Variants in BMP3 observed in about 807,000 individuals in gnomAD.
BMP3 encodes bone morphogenetic protein 3, also known as bone morphogenetic protein 3 (osteogenic).
Under a neutral mutation model 38.1 loss-of-function variants are expected in BMP3, and 23 were observed. The ratio of observed to expected loss-of-function variants is 0.60; its 90% CI spans 0.43 to 0.86. BMP3 has a LOEUF of 0.86. Among genes scored for constraint, BMP3 ranks in the 40% least tolerant of loss-of-function variants. BMP3 has a pLI of 0.00. For synonymous variants in BMP3, 258 were observed against 225.7 expected, an observed-to-expected ratio of 1.14 and a Z score of -1.28; for missense variants, 628 against 579.6, an observed-to-expected ratio of 1.08 and a Z score of -0.86.
intron 1 of BMP3, among the ~76,000 whole-genome samples, chr4:81,032,321 T>C (rs1013635209): frequency 1.3e-4 from 19 of 151,368 alleles, no homozygotes; most frequent in African/African-American, 3.9e-4. Flanking sequence ...GGAGCAACCC[T>C]GGATGTAAAC....
At chr4:81,034,449 T>C (rs1739866883) in intron 1 of BMP3, among the ~76,000 whole-genome samples, 2 of 152,228 alleles carry the variant, frequency 1.3e-5, no homozygotes, top group African/African-American at 2.4e-5. Flanking sequence ...TAAAGAAGAA[T>C]ATTTTACATG....
intron 1 of BMP3, among the ~76,000 whole-genome samples, chr4:81,036,573 A>G (rs1418894389): frequency 1.3e-5 from 2 of 152,006 alleles, no homozygotes; most frequent in Non-Finnish European, 2.9e-5. Flanking sequence ...TGGCATCACA[A>G]ATAACCTTAA....
At chr4:81,038,324 G>T (rs1175761557) in intron 1 of BMP3, among the ~76,000 whole-genome samples, 1 of 152,140 alleles carries the variant, frequency 6.6e-6, no homozygotes, top group Non-Finnish European at 1.5e-5. Flanking sequence ...AGAAAAATAT[G>T]GTATGAGCAG....
chr4:81,037,377 G>T, intron 1 of BMP3: 1 of 263,274 alleles, frequency 3.8e-6, no homozygotes, highest in Non-Finnish European at 7.9e-6. Context: ...TTAGTGTTTT[G>T]TTTTTTCTAT....
In BMP3 at chr4:81,053,405, C is replaced by A. The variant is rs1176055938; in HGVS notation, c.1288C>A (p.Pro430Thr). Residue 430 changes from proline (P) to threonine (T), a missense_variant, in exon 3 of 3, where the codon CCT becomes ACT. Coordinates refer to ENST00000282701, the MANE Select transcript of BMP3 (RefSeq NM_001201.5). ...QSIVRAVGVV[P>T]GIPEPCCVPE... ...TATAGTGAGAGCTGTGGGGGTCGTT[C>A]CTGGGATTCCTGAGCCTTGCTGTGT... 3 of 1,610,880 alleles carry A rather than the reference C, an allele frequency of 1.9e-6. No individual in the cohort carries two copies. The highest frequency in any genetic ancestry group is 1.7e-6 in the Non-Finnish European group (2 of 1,178,720).
At chr4:81,040,647 A>G (rs1000591139) in intron 1 of BMP3, among the ~76,000 whole-genome samples, 3 of 152,232 alleles carry the variant, frequency 2.0e-5, no homozygotes, top group South Asian at 2.1e-4. Context: ...ACTCAAATCT[A>G]TGAGATAGTT....
In BMP3 at chr4:81,055,184, G is replaced by C. The variant is rs192472472; in HGVS notation, c.*1648G>C. ...TGATAGTGATAGATATAAAAACACT[G>C]TAAGTCCCTCTTTTAATAAACTAAA... On this transcript the variant is annotated 3_prime_UTR_variant, in exon 3 of 3. Transcript: ENST00000282701. The C allele has an allele frequency of 1.3e-5, 2 of 152,308 alleles. No individual in the cohort carries two copies. The highest frequency in any genetic ancestry group is 1.3e-4 in the Admixed American group (2 of 15,292). 9.4% of individuals were successfully genotyped at this position (152,308 alleles called of 1,614,324 possible).
chr4:81,044,408 T>G (rs1289249250), intron 1 of BMP3, among the ~76,000 whole-genome samples: 3 of 152,242 alleles, frequency 2.0e-5, no homozygotes, highest in African/African-American at 4.8e-5. Flanking sequence ...TCTCTTTTTA[T>G]TCCACTTCCA....
intron 1 of BMP3, among the ~76,000 whole-genome samples, chr4:81,032,297 G>A (rs1739801768): frequency 1.3e-5 from 2 of 151,662 alleles, no homozygotes; most frequent in Non-Finnish European, 2.9e-5. Context: ...GGAGGAGCTG[G>A]GAGACAAGGG....
intron 2 of BMP3, among the ~76,000 whole-genome samples, chr4:81,046,982 A>C (rs1245839983): frequency 1.3e-5 from 2 of 152,244 alleles, no homozygotes; most frequent in Non-Finnish European, 2.9e-5. Flanking sequence ...CTGTCCATGT[A>C]AGCAAGCCCC....
Position 81,046,328 on chromosome 4 carries a change from C to G in BMP3, c.907C>G (p.Pro303Ala). ...VLLPLQNNEL[P>A]GAEYQYKKDE... The stretch of plus-strand genomic sequence containing the variant: ...GCTGCCTCTGCAGAACAACGAGCTT[C>G]CTGGGGCAGAATACCAGTATAAAAA... The change falls in exon 2 of 3, where the codon CCT becomes GCT. Residue 303 changes from proline (P) to alanine (A), a missense_variant. Transcript: ENST00000282701. 1 of 1,614,014 alleles carries G rather than the reference C, an allele frequency of 6.2e-7. No homozygotes were observed. The highest frequency in any genetic ancestry group is 1.1e-5 in the South Asian group (1 of 91,072).
chr4:81,038,880 C>G (rs1157688628), intron 1 of BMP3, among the ~76,000 whole-genome samples: 1 of 152,170 alleles, frequency 6.6e-6, no homozygotes, highest in Non-Finnish European at 1.5e-5. Flanking sequence ...CACTCACAGT[C>G]TAGGAATGCC....
intron 1 of BMP3, among the ~76,000 whole-genome samples, chr4:81,033,156 T>C (rs1739823100): frequency 6.6e-6 from 1 of 152,250 alleles, no homozygotes; most frequent in African/African-American, 2.4e-5. Flanking sequence ...TTCTTGGTTA[T>C]ATTGCTAGGG....
chr4:81,047,456 T>G (rs1457056784), intron 2 of BMP3, among the ~76,000 whole-genome samples: 1 of 151,902 alleles, frequency 6.6e-6, no homozygotes, highest in African/African-American at 2.4e-5. Context: ...TAGTACCCTC[T>G]ATAGTAAAAT....
Position 81,030,743 on chromosome 4 carries a change from G to GCACACA in BMP3, c.-541_-540insACACAC, listed in dbSNP as rs1560508557. ...CATACACACACACACACGCACACAC[G>GCACACA]CGCGCGCGCGCGCGCACACACACAC... On this transcript the variant is annotated 5_prime_UTR_variant, in exon 1 of 3. Coordinates refer to ENST00000282701, the MANE Select transcript of BMP3 (RefSeq NM_001201.5). Among the ~76,000 whole-genome samples the GCACACA allele has an allele frequency of 1.3e-5, 2 of 150,104 alleles. No individual in the cohort carries two copies. Among genetic ancestry groups the GCACACA allele is most frequent in the African/African-American group, 4.9e-5 (2 of 40,558 alleles).
Position 81,031,139 on chromosome 4 carries a change from C to CGCT in BMP3, c.-143_-141dup, listed in dbSNP as rs763550222. 4.7e-4 allele frequency: 397 copies of CGCT among 853,040 alleles called. 2 individuals are homozygous for CGCT. The highest frequency in any genetic ancestry group is 8.7e-4 in the Admixed American group (29 of 33,314). 52.8% of individuals were successfully genotyped at this position (853,040 alleles called of 1,614,324 possible). ...CAGCAAGTGGGGCTGGCCGCTATCTCGCTGCACCCGGCCGCGTCCCGGGCT... is the reference window on the plus strand; with the variant it reads ...CAGCAAGTGGGGCTGGCCGCTATCTCGCTGCTGCACCCGGCCGCGTCCCGGGCT... On this transcript the variant is annotated 5_prime_UTR_variant, in exon 1 of 3. Coordinates refer to ENST00000282701, the MANE Select transcript of BMP3 (RefSeq NM_001201.5).
intron 1 of BMP3, among the ~76,000 whole-genome samples, chr4:81,036,123 T>G (rs966874134): frequency 2.6e-5 from 4 of 152,066 alleles, no homozygotes; most frequent in Admixed American, 6.5e-5. Context: ...CTTTATGAGT[T>G]CTCCTTCATT....
chr4:81,057,408 T>C lies in BMP3; in HGVS notation c.*3872T>C, dbSNP rs943927321. On this transcript the variant is annotated 3_prime_UTR_variant, in exon 3 of 3. Coordinates refer to ENST00000282701, the MANE Select transcript of BMP3 (RefSeq NM_001201.5). ...TAGTCAAATCCACTTAGAGGGTATA[T>C]TGCAGTGAAACTGTGAAGGATACTT... 3.3e-5 allele frequency: 5 copies of C among 152,102 alleles called. No individual in the cohort carries two copies. Among genetic ancestry groups the C allele is most frequent in the Non-Finnish European group, 5.9e-5 (4 of 67,972 alleles). 9.4% of individuals were successfully genotyped at this position (152,102 alleles called of 1,614,324 possible). A position where few individuals can be genotyped will look rare whatever the true frequency, so the allele number is the denominator to read the frequency against.
In BMP3 at chr4:81,046,138, T is replaced by C. The variant is rs754084275; in HGVS notation, c.717T>C (p.Tyr239=). The C allele has an allele frequency of 2.5e-6, 4 of 1,614,062 alleles. No homozygotes were observed. The East Asian group carries it at 8.9e-5, about 36-fold the overall frequency. ...GGAGGTTACCTTTTCCAGAGCCTTA[T>C]ATCTTGGTATATGCCAATGATGCCG... ...PKRRLPFPEP[Y]ILVYANDAAI... Residue 239 remains tyrosine (Y), a synonymous_variant, in exon 2 of 3, where the codon TAT becomes TAC. Transcript: ENST00000282701.
Sources: gnomAD v4.1 joint callset for allele counts (sites outside exome capture counted in the v4.1 genomes callset) on GRCh38, gnomAD v4.1.1 for gene constraint, MANE v1.5 for transcripts, NCBI Gene and HGNC (gene_info 2026-07-23, HGNC 2026-07-21) for gene names.